The following TACR1 variants were observed in gnomAD, a reference collection of about 807,000 sequenced individuals.
The protein encoded by TACR1 is tachykinin receptor 1, also known as substance-P receptor.
Under a neutral mutation model 35.8 loss-of-function variants are expected in TACR1, and 25 were observed. The observed-to-expected ratio is 0.70, with a 90% CI of 0.51 to 0.98. The LOEUF (loss-of-function observed/expected upper bound fraction) is 0.98. Ranked by LOEUF, TACR1 falls within the 50% of genes least tolerant of loss-of-function variation. The probability of loss-of-function intolerance (pLI) is 0.00; values close to 1 mark genes in which losing one functional copy is unlikely to be tolerated. For synonymous variants in TACR1, 195 were observed against 206.7 expected (o/e 0.94, Z 0.48); for missense variants, 478 against 522.9 (o/e 0.91, Z 0.84).
At chr2:75,092,092 G>A (rs1287736118) in intron 2 of TACR1, among the ~76,000 whole-genome samples, 2 of 152,228 alleles carry the variant, frequency 1.3e-5, no homozygotes, top group African/African-American at 4.8e-5. Flanking sequence ...ATGCTATTTA[G>A]TTCTCTCAAA....
At chr2:75,053,468 C>T (rs1230706500) in intron 3 of TACR1, 137 bp downstream of exon 3, 2 of 1,137,604 alleles carry the variant, frequency 1.8e-6, no homozygotes, top group East Asian at 3.0e-5. Context: ...AGAAAGATTC[C>T]TCTCCTCCTC....
intron 2 of TACR1, among the ~76,000 whole-genome samples, chr2:75,099,065 ATCT>A (rs112330546): frequency 2.6e-5 from 4 of 151,918 alleles, no homozygotes; most frequent in African/African-American, 9.7e-5. Flanking sequence ...ATCCTGCCAC[ATCT>A]TCTTTTTCAC....
chr2:75,098,989 C>T (rs542610522), intron 2 of TACR1, among the ~76,000 whole-genome samples: 1 of 151,982 alleles, frequency 6.6e-6, no homozygotes, highest in South Asian at 2.1e-4. Flanking sequence ...TCTCCTGCTC[C>T]TCCGTGCCAC....
At chr2:75,195,186 A>G (rs1675937594) in intron 1 of TACR1, among the ~76,000 whole-genome samples, 1 of 152,198 alleles carries the variant, frequency 6.6e-6, no homozygotes, top group South Asian at 2.1e-4. Flanking sequence ...TTCAATAGCT[A>G]AAATCCCTGG....
rs1312215470 is a variant in TACR1 at position 75,047,998 on chromosome 2, T to G, written c.*1434A>C. On this transcript the variant is annotated 3_prime_UTR_variant, in exon 5 of 5. Transcript: ENST00000305249. Reference sequence around the variant, plus strand: ...GAAAAAAAAACAAAACAAAACTGCATGCTCACCTTCTGGAAACTCTAAATC... The same window carrying G: ...GAAAAAAAAACAAAACAAAACTGCAGGCTCACCTTCTGGAAACTCTAAATC... 6.6e-6 allele frequency: 1 copy of G among 152,200 alleles called. No homozygotes were observed. Among genetic ancestry groups the G allele is most frequent in the East Asian group, 1.9e-4 (1 of 5,196 alleles). The allele number at this position is 152,200 out of a possible 1,614,324, so 9.4% of individuals were successfully genotyped here. A position where few individuals can be genotyped will look rare whatever the true frequency, so the allele number is the denominator to read the frequency against.
At chr2:75,098,804 T>G (rs1283162755) in intron 2 of TACR1, among the ~76,000 whole-genome samples, 1 of 152,224 alleles carries the variant, frequency 6.6e-6, no homozygotes, top group African/African-American at 2.4e-5. Flanking sequence ...GCAGGCAATC[T>G]CCTGTCAATA....
chr2:75,135,153 TTTCCTC>T (rs1402075575), intron 1 of TACR1, among the ~76,000 whole-genome samples: 1 of 152,170 alleles, frequency 6.6e-6, no homozygotes. Flanking sequence ...GAATTATGAC[TTTCCTC>T]TTCCCATGCG....
At position 75,081,367 on chromosome 2, in the gene TACR1, A is replaced by G. The variant is rs556952601; in HGVS notation, c.585-27612T>C. Among the ~76,000 whole-genome samples, 4 of 152,308 alleles carry G rather than the reference A, an allele frequency of 2.6e-5. No individual in the cohort carries two copies. The East Asian group carries it at 7.7e-4, about 29-fold the overall frequency. On this transcript the variant is annotated intron_variant, in intron 2 of 4. Transcript: ENST00000305249. ...TGACCAGCCCACCACCATATGGTGAAAAATCTGCAGGACCAAGAACCCTCT... is the reference window on the plus strand; with the variant it reads ...TGACCAGCCCACCACCATATGGTGAGAAATCTGCAGGACCAAGAACCCTCT...
chr2:75,100,043 C>T (rs1372350370), intron 2 of TACR1, among the ~76,000 whole-genome samples: 3 of 152,160 alleles, frequency 2.0e-5, no homozygotes, highest in Non-Finnish European at 2.9e-5. Context: ...CCTGGGATCT[C>T]TTCCCTTATT....
In TACR1 at chr2:75,120,628, C is replaced by T. The variant is rs1173750677; in HGVS notation, c.530G>A (p.Arg177Lys). The change falls in exon 2 of 5, where the codon AGA (arginine) becomes AAA (lysine). Residue 177 changes from arginine (R) to lysine (K), a missense_variant. Transcript: ENST00000305249. ...YYSTTETMPSRVVCMIEWPEH... is the reference protein window; with the variant it reads ...YYSTTETMPSKVVCMIEWPEH... ...TGGCCATTCGATCATGCACACGACT[C>T]TGCTGGGCATGGTCTCTGTGGTTGA... is the stretch of plus-strand genomic sequence containing the variant. 1 of 1,613,814 alleles carries T rather than the reference C, an allele frequency of 6.2e-7. No individual in the cohort carries two copies. Among genetic ancestry groups the T allele is most frequent in the Non-Finnish European group, 8.5e-7 (1 of 1,179,866 alleles).
intron 1 of TACR1, among the ~76,000 whole-genome samples, chr2:75,174,416 T>C (rs1675364844): frequency 6.6e-6 from 1 of 152,182 alleles, no homozygotes; most frequent in African/African-American, 2.4e-5. Context: ...TGACTAACGG[T>C]AGGTAGCATA....
rs144255633 is a variant in TACR1 at position 75,147,309 on chromosome 2, C to T, written c.390-26541G>A. Among the ~76,000 whole-genome samples, 1,259 of 152,330 alleles carry T rather than the reference C, an allele frequency of 8.3e-3. 9 individuals carry two copies. The highest frequency in any genetic ancestry group is 0.034 in the Middle Eastern group (10 of 294). ...CCATAGGGCTGATATTTCCCCAGAA[C>T]CTCAGTGGGAACATTCCAGTGACAA... On this transcript the variant is annotated intron_variant, in intron 1 of 4. Transcript: ENST00000305249.
intron 1 of TACR1, chr2:75,154,420 A>ACGCGCGCG (rs1457000396): frequency 6.7e-5 from 5 of 74,342 alleles, no homozygotes; most frequent in African/African-American, 3.7e-4. Flanking sequence ...GCACACACAC[A>ACGCGCGCG]CACACACACA....
intron 2 of TACR1, among the ~76,000 whole-genome samples, chr2:75,065,586 T>G (rs535870414): frequency 1.3e-5 from 2 of 152,154 alleles, no homozygotes; most frequent in African/African-American, 4.8e-5. Flanking sequence ...GGGATGAGCT[T>G]CTCTCGATGC....
chr2:75,117,892 A>G (rs1673896038), intron 2 of TACR1, among the ~76,000 whole-genome samples: 1 of 152,224 alleles, frequency 6.6e-6, no homozygotes, highest in South Asian at 2.1e-4. Flanking sequence ...TACTGAATGC[A>G]TATCATTTTC....
chr2:75,181,351 A>C (rs908609966), intron 1 of TACR1, among the ~76,000 whole-genome samples: 4 of 152,216 alleles, frequency 2.6e-5, no homozygotes, highest in Non-Finnish European at 5.9e-5. Context: ...AAAGAAAAAA[A>C]AGGAAATATA....
intron 1 of TACR1, among the ~76,000 whole-genome samples, chr2:75,121,759 A>G (rs920156868): frequency 1.3e-5 from 2 of 152,124 alleles, no homozygotes; most frequent in African/African-American, 4.8e-5. Context: ...AAGGAATGAT[A>G]TCTTATAGGG....
At chr2:75,198,498 T>C (rs1034747895) in intron 1 of TACR1, 48 bp downstream of exon 1, 5 of 1,592,272 alleles carry the variant, frequency 3.1e-6, no homozygotes, top group Non-Finnish European at 4.3e-6. Context: ...AGCAATGCCG[T>C]GGTCCTCTAT....
chr2:75,059,289 C>G (rs1175407389), intron 2 of TACR1, among the ~76,000 whole-genome samples: 2 of 152,188 alleles, frequency 1.3e-5, no homozygotes, highest in Non-Finnish European at 2.9e-5. Flanking sequence ...CCTTGGAAGC[C>G]TATTACAGAT....
Sources: allele counts gnomAD v4.1 joint callset (sites outside exome capture counted in the v4.1 genomes callset), GRCh38; gene constraint gnomAD v4.1.1; transcripts MANE v1.5; gene names NCBI Gene and HGNC (gene_info 2026-07-23, HGNC 2026-07-21).